SECISBP2L: variants seen among roughly 807,000 people sequenced by gnomAD.
SECISBP2L encodes SECIS binding protein 2 like.
A neutral mutation model predicts 114.7 loss-of-function variants in SECISBP2L; 43 were observed. The ratio of observed to expected loss-of-function variants is 0.38; its 90% CI spans 0.29 to 0.48. The LOEUF is 0.48. Among genes scored for constraint, SECISBP2L ranks in the 20% least tolerant of loss-of-function variants. SECISBP2L has a pLI of 0.98. For synonymous variants in SECISBP2L, 451 were observed against 439.7 expected, an observed-to-expected ratio of 1.03 and a Z score of -0.32; for missense variants, 1,136 against 1,301.1, an observed-to-expected ratio of 0.87 and a Z score of 1.95.
At chr15:49,042,155 T>A (rs1239704655) in intron 1 of SECISBP2L, among the ~76,000 whole-genome samples, 1 of 152,234 alleles carries the variant, frequency 6.6e-6, no homozygotes, top group Non-Finnish European at 1.5e-5. Context: ...CACTACTTTG[T>A]TTTTAACTTA....
intron 14 of SECISBP2L, among the ~76,000 whole-genome samples, chr15:49,005,730 T>C (rs1902308982): frequency 6.6e-6 from 1 of 152,086 alleles, no homozygotes; most frequent in Non-Finnish European, 1.5e-5. Flanking sequence ...TGTCTTTTAA[T>C]TGGGGCATTT....
At chr15:49,000,521 T>C (rs1399758937) in intron 15 of SECISBP2L, among the ~76,000 whole-genome samples, 1 of 152,212 alleles carries the variant, frequency 6.6e-6, no homozygotes, top group African/African-American at 2.4e-5. Context: ...TAAGTGCCTC[T>C]AAATGAAACT....
chr15:48,992,406 A>G lies in SECISBP2L; in HGVS notation c.3144T>C (p.Ser1048=). ...NGSEEDNVEQ[S]GEEEAEAPEV... is the part of the protein sequence containing the mutation. ...CAGGCGCCTCTGCTTCCTCTTCTCC[A>G]CTTTGCTCTACATTGTCTTCCTCAG... is the stretch of plus-strand genomic sequence containing the variant. The change falls in exon 18 of 18, where the codon AGT becomes AGC. Residue 1048 remains serine (S), a synonymous_variant. Coordinates refer to ENST00000559471, the MANE Select transcript of SECISBP2L (RefSeq NM_001193489.2). 6.2e-7 allele frequency: 1 copy of G among 1,613,964 alleles called. No individual in the cohort carries two copies. The highest frequency in any genetic ancestry group is 8.5e-7 in the Non-Finnish European group (1 of 1,179,996).
At chr15:49,002,079 G>A (rs1902223745) in intron 14 of SECISBP2L, 1 of 152,178 alleles carries the variant, frequency 6.6e-6, no homozygotes, top group Non-Finnish European at 1.5e-5. Flanking sequence ...CACACCAAAA[G>A]TGTAAAAGCA....
intron 11 of SECISBP2L, chr15:49,013,291 A>T (rs1595787382): frequency 6.6e-6 from 1 of 151,664 alleles, no homozygotes; most frequent in South Asian, 2.1e-4. Context: ...AATTATTTTT[A>T]TTTATTTATT....
At position 48,990,925 on chromosome 15, in the gene SECISBP2L, C is replaced by T. The variant is rs1018632111; in HGVS notation, c.*1319G>A. The T allele has an allele frequency of 3.3e-5, 5 of 152,104 alleles. No individual in the cohort carries two copies. Among genetic ancestry groups the T allele is most frequent in the African/African-American group, 1.2e-4 (5 of 41,384 alleles). The allele number at this position is 152,104 out of a possible 1,614,324, so 9.4% of individuals were successfully genotyped here. ...AAAAATTACATAGTTTGTCATTCTT[C>T]CACCATTACATAAACTTGTAAAGTC... On this transcript the variant is annotated 3_prime_UTR_variant, in exon 18 of 18. Transcript: ENST00000559471.
chr15:49,005,584 T>C (rs1365719335), intron 14 of SECISBP2L, among the ~76,000 whole-genome samples: 2 of 143,192 alleles, frequency 1.4e-5, no homozygotes, highest in Non-Finnish European at 3.0e-5. Context: ...TTTTTTTTTT[T>C]TTTTGCTTTC....
At chr15:49,008,813 G>A (rs930651822) in intron 14 of SECISBP2L, among the ~76,000 whole-genome samples, 7 of 152,110 alleles carry the variant, frequency 4.6e-5, no homozygotes, top group Non-Finnish European at 8.8e-5. Flanking sequence ...TTATGTAATA[G>A]GTTCACTTCA....
intron 1 of SECISBP2L, 150 bp downstream of exon 1, chr15:49,046,126 G>A (rs1480662398): frequency 7.3e-6 from 6 of 827,154 alleles, no homozygotes; most frequent in African/African-American, 1.8e-5. Context: ...GAACAATGAA[G>A]GAGAGCTGGG....
intron 17 of SECISBP2L, among the ~76,000 whole-genome samples, chr15:48,994,043 G>GA (rs1902041339): frequency 6.6e-6 from 1 of 151,026 alleles, no homozygotes; most frequent in Non-Finnish European, 1.5e-5. Context: ...CATTGTTTGG[G>GA]AAAAAATTTC....
chr15:48,992,538 A>G lies in SECISBP2L; in HGVS notation c.3012T>C (p.His1004=). The G allele has an allele frequency of 6.2e-7, 1 of 1,614,200 alleles. No individual in the cohort carries two copies. The change falls in exon 18 of 18, where the codon CAT becomes CAC. Residue 1004 remains histidine, a synonymous_variant. Transcript: ENST00000559471. ...EDEEEEEDYT[H]EPISVEVQLN... The stretch of plus-strand genomic sequence containing the variant: ...GCTGCACTTCTACAGATATGGGTTC[A>G]TGAGTATAATCTTCCTCCTCCTCCT...
chr15:49,028,298 G>C, intron 5 of SECISBP2L, 130 bp from the exon 6 acceptor site: 1 of 983,252 alleles, frequency 1.0e-6, no homozygotes, highest in Non-Finnish European at 1.5e-6. Flanking sequence ...CTTCATAAAT[G>C]AATATTTTTA....
At position 48,992,178 on chromosome 15, in the gene SECISBP2L, T is replaced by C; in HGVS notation, c.*66A>G. The C allele has an allele frequency of 6.9e-7, 1 of 1,439,968 alleles. No individual in the cohort carries two copies. The highest frequency in any genetic ancestry group is 9.4e-7 in the Non-Finnish European group (1 of 1,061,206). 89.2% of individuals were successfully genotyped at this position (1,439,968 alleles called of 1,614,324 possible). ...TACTGGACAGTGCAAAATGTTGAGA[T>C]GAAGCATAAAAGGTAATGGCTGCAA... On this transcript the variant is annotated 3_prime_UTR_variant, in exon 18 of 18. Coordinates refer to ENST00000559471, the MANE Select transcript of SECISBP2L (RefSeq NM_001193489.2).
intron 16 of SECISBP2L, among the ~76,000 whole-genome samples, chr15:48,998,541 T>C (rs11855740): frequency 0.51 from 76,818 of 151,862 alleles, 21,507 homozygotes; most frequent in Non-Finnish European, 0.63. Context: ...GGTTTTACAA[T>C]ATAAAAGAAA....
intron 4 of SECISBP2L, 41 bp from the exon 5 acceptor site, chr15:49,028,723 C>T (rs767627128): frequency 4.1e-6 from 6 of 1,462,052 alleles, no homozygotes; most frequent in East Asian, 2.3e-5. Context: ...TTGTGATGAA[C>T]AAATTGATAA....
At chr15:49,009,453 T>C in intron 13 of SECISBP2L, 75 bp from the exon 14 acceptor site, 1 of 1,432,280 alleles carries the variant, frequency 7.0e-7, no homozygotes, top group Non-Finnish European at 9.5e-7. Flanking sequence ...ATCAATGCAA[T>C]TTAGAATGGC....
chr15:49,012,525 T>C (rs529295324), intron 12 of SECISBP2L, 123 bp downstream of exon 12: 43 of 952,580 alleles, frequency 4.5e-5, no homozygotes, highest in Non-Finnish European at 6.4e-5. Context: ...ATCGTCAAGA[T>C]TCATGTGTAT....
intron 7 of SECISBP2L, chr15:49,019,774 C>T: frequency 2.8e-6 from 1 of 354,584 alleles, no homozygotes; most frequent in Non-Finnish European, 4.9e-6. Context: ...TTCCCCTCGA[C>T]ATGAATATTT....
intron 1 of SECISBP2L, among the ~76,000 whole-genome samples, chr15:49,043,459 GAA>G (rs1903181984): frequency 6.6e-6 from 1 of 152,076 alleles, no homozygotes; most frequent in East Asian, 1.9e-4. Context: ...TGTGATAACA[GAA>G]AAGAGACTGT....
Sources: allele counts gnomAD v4.1 joint callset (sites outside exome capture counted in the v4.1 genomes callset), GRCh38; gene constraint gnomAD v4.1.1; transcripts MANE v1.5; gene names NCBI Gene and HGNC (gene_info 2026-07-23, HGNC 2026-07-21).